The following B3GLCT variants were observed in gnomAD, a reference collection of about 807,000 sequenced individuals.
The protein encoded by B3GLCT is beta 3-glucosyltransferase.
A neutral mutation model predicts 63.4 loss-of-function variants in B3GLCT; 65 were observed. That is an observed-to-expected ratio of 1.03 (90% CI 0.84 to 1.26). The LOEUF (loss-of-function observed/expected upper bound fraction) is 1.26, where lower values mean the gene tolerates loss of function less well. Ranked by LOEUF, B3GLCT falls within the 50% of genes most tolerant of loss-of-function variation. The pLI is 0.00. For missense variants in B3GLCT, 577 were observed against 604.8 expected (o/e 0.95, Z 0.48); for synonymous variants, 233 against 219.2 (o/e 1.06, Z -0.55).
At chr13:31,204,965 A>G (rs1868870623) in intron 1 of B3GLCT, among the ~76,000 whole-genome samples, 1 of 152,244 alleles carries the variant, frequency 6.6e-6, no homozygotes, top group African/African-American at 2.4e-5. Context: ...TTCAATGTAC[A>G]TAACATACAG....
chr13:31,200,285 C>G, intron 1 of B3GLCT, 131 bp downstream of exon 1: 1 of 341,744 alleles, frequency 2.9e-6, no homozygotes, highest in Non-Finnish European at 4.1e-6. Context: ...GCGCGTCCCG[C>G]CGTCCGGTCC....
At chr13:31,205,474 G>T (rs1053694216) in intron 1 of B3GLCT, among the ~76,000 whole-genome samples, 4 of 152,156 alleles carry the variant, frequency 2.6e-5, no homozygotes, top group Non-Finnish European at 1.5e-5. Flanking sequence ...CAGGACAATC[G>T]CTTGAACCCA....
intron 4 of B3GLCT, among the ~76,000 whole-genome samples, chr13:31,245,150 A>C (rs1454057063): frequency 6.6e-6 from 1 of 152,154 alleles, no homozygotes; most frequent in Non-Finnish European, 1.5e-5. Context: ...TGCACTACCT[A>C]AACCTTTGCC....
chr13:31,328,090 T>C (rs1566101913), intron 14 of B3GLCT, among the ~76,000 whole-genome samples: 2 of 152,202 alleles, frequency 1.3e-5, no homozygotes, highest in Non-Finnish European at 2.9e-5. Context: ...TTGCTAGTCA[T>C]GTTACTTCTG....
chr13:31,308,366 A>ACAAAAACAAAACAAAAC (rs1301721052), intron 12 of B3GLCT, among the ~76,000 whole-genome samples: 3 of 145,332 alleles, frequency 2.1e-5, no homozygotes, highest in African/African-American at 7.5e-5. Flanking sequence ...AAAAACAAAA[A>ACAAAAACAAAACAAAAC]AAAAAGCTAG....
At chr13:31,205,262 G>A (rs564645182) in intron 1 of B3GLCT, among the ~76,000 whole-genome samples, 1 of 146,954 alleles carries the variant, frequency 6.8e-6, no homozygotes, top group African/African-American at 2.5e-5. Flanking sequence ...TTTTTTTTAA[G>A]AGTTGGGTGT....
chr13:31,238,214 A>G (rs1870750942), intron 4 of B3GLCT, among the ~76,000 whole-genome samples: 1 of 152,242 alleles, frequency 6.6e-6, no homozygotes, highest in South Asian at 2.1e-4. Flanking sequence ...TCAAGGTGCT[A>G]AAATGCAGCC....
At chr13:31,232,816 CTT>C (rs1200747472) in intron 4 of B3GLCT, among the ~76,000 whole-genome samples, 4 of 152,226 alleles carry the variant, frequency 2.6e-5, no homozygotes, top group African/African-American at 7.2e-5. Flanking sequence ...TTACCTGTCT[CTT>C]TTACAAATTT....
intron 11 of B3GLCT, among the ~76,000 whole-genome samples, chr13:31,286,121 A>G (rs9315121): frequency 0.22 from 32,810 of 152,154 alleles, 3,541 homozygotes; most frequent in Non-Finnish European, 0.22. Context: ...ATTTTTGTCC[A>G]GCATTTACCA....
intron 9 of B3GLCT, among the ~76,000 whole-genome samples, chr13:31,275,434 A>C (rs877104): frequency 0.67 from 102,298 of 152,022 alleles, 36,161 homozygotes; most frequent in Middle Eastern, 0.8. Context: ...TCTTTTGTTG[A>C]TGATGTAGGA....
intron 4 of B3GLCT, among the ~76,000 whole-genome samples, chr13:31,238,132 C>T (rs369383722): frequency 3.7e-4 from 56 of 152,312 alleles, no homozygotes; most frequent in African/African-American, 1.3e-3. Context: ...AATTTAATGA[C>T]TTCTGTGATT....
intron 13 of B3GLCT, among the ~76,000 whole-genome samples, chr13:31,322,859 C>T (rs1272129486): frequency 6.6e-6 from 1 of 152,048 alleles, no homozygotes; most frequent in Non-Finnish European, 1.5e-5. Flanking sequence ...TAGCTTGAGC[C>T]CAACGTGGCC....
chr13:31,315,582 A>G (rs1874955044), intron 12 of B3GLCT, among the ~76,000 whole-genome samples: 1 of 152,228 alleles, frequency 6.6e-6, no homozygotes, highest in South Asian at 2.1e-4. Context: ...GAACTTATTA[A>G]AAGGGAAGCA....
intron 12 of B3GLCT, among the ~76,000 whole-genome samples, chr13:31,299,852 A>T (rs2137905073): frequency 6.6e-6 from 1 of 152,248 alleles, no homozygotes; most frequent in East Asian, 1.9e-4. Context: ...GCCATGCTTC[A>T]TATGGGCATC....
At chr13:31,235,531 C>T (rs1870606443) in intron 4 of B3GLCT, among the ~76,000 whole-genome samples, 1 of 151,946 alleles carries the variant, frequency 6.6e-6, no homozygotes, top group Non-Finnish European at 1.5e-5. Context: ...CGTCAAATTG[C>T]CATCAGTAAT....
chr13:31,226,968 C>T (rs1198570321), intron 3 of B3GLCT, among the ~76,000 whole-genome samples: 2 of 152,064 alleles, frequency 1.3e-5, no homozygotes, highest in Non-Finnish European at 2.9e-5. Flanking sequence ...ATCTTTTATA[C>T]CTTCACATGC....
chr13:31,274,920 TTTA>T (rs1311093772), intron 9 of B3GLCT, among the ~76,000 whole-genome samples: 2 of 152,228 alleles, frequency 1.3e-5, no homozygotes, highest in African/African-American at 4.8e-5. Flanking sequence ...GTACCCAGTG[TTTA>T]GCTTCCACTT....
intron 2 of B3GLCT, among the ~76,000 whole-genome samples, chr13:31,221,174 G>T (rs553871080): frequency 3.3e-5 from 5 of 152,232 alleles, no homozygotes; most frequent in Non-Finnish European, 5.9e-5. Flanking sequence ...AAAGGGGAGT[G>T]TTGGGTTGAA....
At chr13:31,250,096 T>A (rs1012789792) in intron 6 of B3GLCT, among the ~76,000 whole-genome samples, 11 of 152,254 alleles carry the variant, frequency 7.2e-5, no homozygotes, top group Admixed American at 5.9e-4. Context: ...GTATGTTGTT[T>A]GAAGTCTTTC....
Sources: allele counts gnomAD v4.1 joint callset (sites outside exome capture counted in the v4.1 genomes callset), GRCh38; gene constraint gnomAD v4.1.1; transcripts MANE v1.5; gene names NCBI Gene and HGNC (gene_info 2026-07-23, HGNC 2026-07-21).